The following EXOC4 variants were observed in gnomAD, a reference collection of about 807,000 sequenced individuals.
The protein encoded by EXOC4 is SEC8-like 1.
A neutral mutation model predicts 107.2 loss-of-function variants in EXOC4; 71 were observed. The observed-to-expected ratio is 0.66, with a 90% CI of 0.55 to 0.81. The LOEUF (loss-of-function observed/expected upper bound fraction) is 0.81, where lower values mean the gene tolerates loss of function less well. Ranked by LOEUF, EXOC4 falls within the 30% of genes least tolerant of loss-of-function variation. The pLI is 0.00. For synonymous variants in EXOC4, 456 were observed against 441.2 expected (o/e 1.03, Z -0.42); for missense variants, 1,108 against 1,189.6 (o/e 0.93, Z 1.01).
intron 9 of EXOC4, among the ~76,000 whole-genome samples, chr7:133,548,502 T>C (rs1457437032): frequency 6.6e-6 from 1 of 152,116 alleles, no homozygotes; most frequent in African/African-American, 2.4e-5. Context: ...AGAAGGCTGT[T>C]TCATCTACAC....
In EXOC4 at chr7:133,998,628, T is replaced by C. The variant is rs148798395; in HGVS notation, c.2348+995T>C. Reference sequence around the variant, plus strand: ...GCACAGGAGACAGGCTGGAGCCCAATCCTGTGGAGTCATGAAGCCTGACAC... The same window carrying C: ...GCACAGGAGACAGGCTGGAGCCCAACCCTGTGGAGTCATGAAGCCTGACAC... On this transcript the variant is annotated intron_variant, in intron 15 of 17. Transcript: ENST00000253861. Among the ~76,000 whole-genome samples, 19 of 152,188 alleles carry C rather than the reference T, an allele frequency of 1.2e-4. 1 individual carries two copies. Among genetic ancestry groups the C allele is most frequent in the African/African-American group, 3.4e-4 (14 of 41,540 alleles).
At chr7:133,640,029 A>G (rs563123262) in intron 10 of EXOC4, among the ~76,000 whole-genome samples, 11 of 152,286 alleles carry the variant, frequency 7.2e-5, no homozygotes, top group Admixed American at 3.3e-4. Context: ...ATTGAGCTAT[A>G]CATACATACA....
At chr7:133,969,821 G>T (rs1159734669) in intron 14 of EXOC4, among the ~76,000 whole-genome samples, 3 of 152,050 alleles carry the variant, frequency 2.0e-5, no homozygotes, top group African/African-American at 4.8e-5. Flanking sequence ...GGGGGTCAGG[G>T]ACTCACTTGA....
At chr7:133,440,622 T>C (rs1177946246) in intron 7 of EXOC4, among the ~76,000 whole-genome samples, 3 of 152,064 alleles carry the variant, frequency 2.0e-5, no homozygotes, top group Non-Finnish European at 4.4e-5. Context: ...GTTGATAAAA[T>C]AGGTTGCAGT....
chr7:134,007,368 A>G (rs984468972), intron 16 of EXOC4, among the ~76,000 whole-genome samples: 5 of 152,164 alleles, frequency 3.3e-5, no homozygotes, highest in African/African-American at 7.2e-5. Flanking sequence ...TCAACAGTTT[A>G]TAATAACCTG....
intron 10 of EXOC4, among the ~76,000 whole-genome samples, chr7:133,644,086 T>G (rs1562888944): frequency 6.6e-6 from 1 of 152,216 alleles, no homozygotes; most frequent in Non-Finnish European, 1.5e-5. Context: ...GTCTGAAAAT[T>G]GATTGAGGGG....
chr7:133,432,040 A>G (rs1246067600), intron 7 of EXOC4, among the ~76,000 whole-genome samples: 1 of 152,052 alleles, frequency 6.6e-6, no homozygotes, highest in East Asian at 1.9e-4. Flanking sequence ...AGATTCCTGA[A>G]TTTTGTTGTA....
chr7:134,052,662 G>A (rs1463760803), intron 17 of EXOC4, among the ~76,000 whole-genome samples: 3 of 152,140 alleles, frequency 2.0e-5, no homozygotes, highest in Admixed American at 2.0e-4. Flanking sequence ...CATATCATTT[G>A]ATTAATCTTC....
chr7:133,434,842 T>G (rs1797932509), intron 7 of EXOC4, among the ~76,000 whole-genome samples: 1 of 152,232 alleles, frequency 6.6e-6, no homozygotes, highest in South Asian at 2.1e-4. Context: ...TCCTCTTTTT[T>G]GTCTTCAATG....
chr7:133,959,688 C>T (rs1234136581), intron 14 of EXOC4, among the ~76,000 whole-genome samples: 3 of 151,662 alleles, frequency 2.0e-5, no homozygotes, highest in African/African-American at 7.3e-5. Context: ...AGAAAGAAAA[C>T]CCTACAACTG....
At chr7:133,789,385 C>G (rs1333175629) in intron 10 of EXOC4, among the ~76,000 whole-genome samples, 2 of 152,184 alleles carry the variant, frequency 1.3e-5, no homozygotes, top group African/African-American at 4.8e-5. Context: ...TGCCACTACT[C>G]TCTCTCCTCC....
intron 12 of EXOC4, among the ~76,000 whole-genome samples, chr7:133,909,814 T>A (rs943095353): frequency 4.6e-5 from 7 of 152,098 alleles, no homozygotes; most frequent in Non-Finnish European, 8.8e-5. Context: ...TAGGGAGTCA[T>A]CTGATCTGAG....
At chr7:133,691,111 G>A (rs1794410202) in intron 10 of EXOC4, among the ~76,000 whole-genome samples, 1 of 152,136 alleles carries the variant, frequency 6.6e-6, no homozygotes, top group South Asian at 2.1e-4. Flanking sequence ...ATATTTTAGG[G>A]TAGTATATCC....
intron 5 of EXOC4, among the ~76,000 whole-genome samples, chr7:133,340,895 T>C (rs1348899976): frequency 6.6e-6 from 1 of 152,162 alleles, no homozygotes; most frequent in Non-Finnish European, 1.5e-5. Flanking sequence ...CTAATTCAGT[T>C]TATTTGGATC....
At chr7:133,253,389 G>C (rs935467701) in intron 1 of EXOC4, 4 of 1,338,068 alleles carry the variant, frequency 3.0e-6, no homozygotes, top group Non-Finnish European at 2.9e-6. Flanking sequence ...GCTATAGAGA[G>C]AGGAGCCCCG....
chr7:133,647,431 C>G (rs2151030888), intron 10 of EXOC4, among the ~76,000 whole-genome samples: 2 of 152,160 alleles, frequency 1.3e-5, no homozygotes, highest in South Asian at 4.2e-4. Context: ...ATTTAGTATT[C>G]CTAGCAACTC....
chr7:133,462,147 C>CT (rs1177044855), intron 7 of EXOC4, among the ~76,000 whole-genome samples: 2 of 151,938 alleles, frequency 1.3e-5, no homozygotes, highest in East Asian at 3.9e-4. Context: ...CATATGTGTG[C>CT]TTTTTTTCCT....
intron 11 of EXOC4, among the ~76,000 whole-genome samples, chr7:133,847,875 ATTTTTTTTTTTTTT>A (rs55923568): frequency 2.4e-5 from 2 of 85,036 alleles, no homozygotes; most frequent in Non-Finnish European, 4.4e-5. Context: ...TGCCCAGCTA[ATTTTTTTTTTTTTT>A]TTTTTTTTTT....
chr7:133,680,920 C>G (rs1288994649), intron 10 of EXOC4, among the ~76,000 whole-genome samples: 6 of 152,130 alleles, frequency 3.9e-5, no homozygotes, highest in Admixed American at 3.3e-4. Context: ...GCAAAGTAAT[C>G]AAACTCTCAC....
Sources: allele counts gnomAD v4.1 joint callset (sites outside exome capture counted in the v4.1 genomes callset), GRCh38; gene constraint gnomAD v4.1.1; transcripts MANE v1.5; gene names NCBI Gene and HGNC (gene_info 2026-07-23, HGNC 2026-07-21).